KLC2: variants seen among roughly 807,000 people sequenced by gnomAD.
KLC2 encodes the protein KLC 2.
Under a neutral mutation model 75.1 loss-of-function variants are expected in KLC2, and 35 were observed. That is an observed-to-expected ratio of 0.47 (90% CI 0.36 to 0.62). The LOEUF is 0.62. KLC2 is among the 20% of genes least tolerant of loss of function. The pLI is 0.00. For missense variants in KLC2, 611 were observed against 833.2 expected (o/e 0.73, Z 3.28); for synonymous variants, 314 against 336.7 (o/e 0.93, Z 0.74).
rs1033600342 is a variant in KLC2 at position 66,267,758 on chromosome 11, C to T, written c.*802C>T. ...GCCTGCAGCTTCTCGCGAGGGGCGG[C>T]GACGGTCCCCTGGTGGCAGGAGGGG... On this transcript the variant is annotated 3_prime_UTR_variant, in exon 16 of 16. Transcript: ENST00000394067. 2 of 459,510 alleles carry T rather than the reference C, an allele frequency of 4.4e-6. No homozygotes were observed. Among genetic ancestry groups the T allele is most frequent in the African/African-American group, 2.1e-5 (1 of 48,730 alleles). The allele number at this position is 459,510 out of a possible 1,614,324, so 28.5% of individuals were successfully genotyped here.
At chr11:66,255,535 A>G (rs1855999636), upstream of KLC2, among the ~76,000 whole-genome samples, 1 of 152,028 alleles carries the variant, frequency 6.6e-6, no homozygotes, top group Admixed American at 6.6e-5. Context: ...GTGAGGGCTG[A>G]AGGATCACAG....
Position 66,261,803 on chromosome 11 carries a change from C to T in KLC2, c.290C>T (p.Ala97Val), listed in dbSNP as rs140962519. 130 of 1,612,984 alleles carry T rather than the reference C, an allele frequency of 8.1e-5. No individual in the cohort carries two copies. The highest frequency in any genetic ancestry group is 1.0e-4 in the Non-Finnish European group (118 of 1,179,928). The stretch of plus-strand genomic sequence containing the variant: ...GAATCAGAGAAGCAGAAGCTGCGGG[C>T]GCAGGTGCGGCGTCTGGTGCAGGAG... ...AVESEKQKLR[A>V]QVRRLVQENQ... is the part of the protein sequence containing the mutation. Residue 97 changes from alanine to valine, a missense_variant, in exon 3 of 16, where the codon GCG (alanine) becomes GTG (valine). Transcript: ENST00000394067.
the KLC2 span, among the ~76,000 whole-genome samples, chr11:66,250,227 C>T: frequency 6.6e-6 from 1 of 152,124 alleles, no homozygotes; most frequent in East Asian, 1.9e-4. Context: ...TTACCTGCAG[C>T]AAATGTCTCT....
At chr11:66,263,165 A>G in intron 5 of KLC2, 129 bp downstream of exon 5, 1 of 665,004 alleles carries the variant, frequency 1.5e-6, no homozygotes, top group South Asian at 1.8e-5. Flanking sequence ...ATGCAAGTAA[A>G]ACTGTCTAGT....
intron 4 of KLC2, 161 bp from the exon 5 acceptor site, chr11:66,262,653 A>T: frequency 1.6e-6 from 1 of 607,082 alleles, no homozygotes; most frequent in South Asian, 2.0e-5. Flanking sequence ...CCCTCTTTCT[A>T]TGGGGTAACT....
rs1347264250 is a variant in KLC2 at position 66,267,258 on chromosome 11, C to A, written c.*302C>A. The A allele has an allele frequency of 7.3e-7, 1 of 1,376,986 alleles. No homozygotes were observed. The highest frequency in any genetic ancestry group is 1.0e-6 in the Non-Finnish European group (1 of 988,882). 85.3% of individuals were successfully genotyped at this position (1,376,986 alleles called of 1,614,324 possible). On this transcript the variant is annotated 3_prime_UTR_variant, in exon 16 of 16. Coordinates refer to ENST00000394067, the MANE Select transcript of KLC2 (RefSeq NM_001318734.2). ...TCAGTGGCCTGGCCTCCCCAGACCCCAGAGCCAAGAACACTAAGCACTCGC... is the reference window on the plus strand; with the variant it reads ...TCAGTGGCCTGGCCTCCCCAGACCCAAGAGCCAAGAACACTAAGCACTCGC...
At chr11:66,250,706 A>G in the KLC2 span, among the ~76,000 whole-genome samples, 1 of 152,354 alleles carries the variant, frequency 6.6e-6, no homozygotes, top group East Asian at 1.9e-4. Flanking sequence ...TGAGTGGCAT[A>G]CTGAAGACAT....
At chr11:66,263,295 G>C (rs1174064932) in intron 5 of KLC2, among the ~76,000 whole-genome samples, 2 of 152,188 alleles carry the variant, frequency 1.3e-5, no homozygotes, top group Admixed American at 1.3e-4. Flanking sequence ...GCCAGAAAGT[G>C]AGTTTGCCCA....
At chr11:66,248,541 C>T in the KLC2 span, among the ~76,000 whole-genome samples, 4 of 152,156 alleles carry the variant, frequency 2.6e-5, no homozygotes, top group Admixed American at 6.5e-5. Context: ...CGCTTGAACC[C>T]GGGAGGCGTA....
chr11:66,261,455 G>T, intron 2 of KLC2: 2 of 382,772 alleles, frequency 5.2e-6, no homozygotes, highest in Non-Finnish European at 4.8e-6. Flanking sequence ...GAAGGGGCTA[G>T]TAGCTCAGGG....
At chr11:66,260,395 AG>A (rs1463232146) in intron 2 of KLC2, among the ~76,000 whole-genome samples, 1 of 152,166 alleles carries the variant, frequency 6.6e-6, no homozygotes, top group African/African-American at 2.4e-5. Context: ...ATGGGCATCA[AG>A]GCCATGTGTG....
Position 66,265,058 on chromosome 11 carries a change from C to CG in KLC2, c.1255dup (p.Glu419GlyfsTer6). ...GCCCATCTGGATGCACGCAGAGGAG[C>CG]GGGAGGAAAGCAAGGTAGCTCTGTG... is the stretch of plus-strand genomic sequence containing the variant. On this transcript the variant is annotated frameshift_variant, in exon 10 of 16. Transcript: ENST00000394067. LOFTEE classifies it high-confidence loss of function. 6.2e-7 allele frequency: 1 copy of CG among 1,612,828 alleles called. No homozygotes were observed. The highest frequency in any genetic ancestry group is 8.5e-7 in the Non-Finnish European group (1 of 1,179,130).
the KLC2 span, among the ~76,000 whole-genome samples, chr11:66,251,969 C>A: frequency 6.6e-6 from 1 of 152,128 alleles, no homozygotes. Flanking sequence ...AGAGCTGACG[C>A]TGGGGAGAGG....
chr11:66,265,315 C>T (rs1219454599), intron 11 of KLC2, 80 bp downstream of exon 11: 4 of 1,223,814 alleles, frequency 3.3e-6, no homozygotes, highest in South Asian at 1.3e-5. Context: ...CCCAACACAC[C>T]CCTCCTCTGC....
chr11:66,254,456 A>C (rs1425416690), upstream of KLC2, among the ~76,000 whole-genome samples: 2 of 151,926 alleles, frequency 1.3e-5, no homozygotes, highest in Non-Finnish European at 2.9e-5. Flanking sequence ...GCTTGATCCC[A>C]GTAGTTCAAG....
intron 14 of KLC2, 45 bp downstream of exon 14, chr11:66,266,262 C>T (rs775534177): frequency 1.3e-6 from 2 of 1,565,522 alleles, no homozygotes; most frequent in East Asian, 2.2e-5. Flanking sequence ...CCCAGCAACC[C>T]CGGATGAGCT....
chr11:66,249,021 C>G, the KLC2 span, among the ~76,000 whole-genome samples: 1 of 152,228 alleles, frequency 6.6e-6, no homozygotes, highest in South Asian at 2.1e-4. Flanking sequence ...ACCAACACAT[C>G]CAGCCCATTC....
In KLC2 at chr11:66,266,018, T is replaced by TC; in HGVS notation, c.1602+8dup. ...CTACAGCTGAGTGGAATGGGGTGAG[T>TC]CCGGGGCCTGGGCCGGGTCGGGCTG... is the stretch of plus-strand genomic sequence containing the variant. On this transcript the variant is annotated splice_region_variant and intron_variant, in intron 13 of 15. Coordinates refer to ENST00000394067, the MANE Select transcript of KLC2 (RefSeq NM_001318734.2). 2 of 1,612,778 alleles carry TC rather than the reference T, an allele frequency of 1.2e-6. No homozygotes were observed. Among genetic ancestry groups the TC allele is most frequent in the Non-Finnish European group, 1.7e-6 (2 of 1,179,378 alleles).
intron 9 of KLC2, 137 bp downstream of exon 9, chr11:66,264,581 TGCCCA>T (rs1327084969): frequency 4.3e-6 from 3 of 696,570 alleles, no homozygotes; most frequent in Non-Finnish European, 7.7e-6. Context: ...CCTCAGATGG[TGCCCA>T]GCCACCTGTG....
Sources: allele counts gnomAD v4.1 joint callset (sites outside exome capture counted in the v4.1 genomes callset), GRCh38; gene constraint gnomAD v4.1.1; transcripts MANE v1.5; gene names NCBI Gene and HGNC (gene_info 2026-07-23, HGNC 2026-07-21).